Variants in MARCHF3 observed in about 807,000 individuals in gnomAD.
The protein encoded by MARCHF3 is membrane associated ring-CH-type finger 3, also known as E3 ubiquitin-protein ligase MARCHF3.
A neutral mutation model predicts 24.2 loss-of-function variants in MARCHF3; 13 were observed. That is an observed-to-expected ratio of 0.54 (90% CI 0.35 to 0.85). The LOEUF is 0.85. Among genes scored for constraint, MARCHF3 ranks in the 40% least tolerant of loss-of-function variants. MARCHF3 has a pLI of 0.01. For missense variants in MARCHF3, 276 were observed against 325.0 expected (o/e 0.85, Z 1.16); for synonymous variants, 144 against 137.3 (o/e 1.05, Z -0.34).
chr5:126,927,798 T>G (rs1436918216), intron 1 of MARCHF3, among the ~76,000 whole-genome samples: 3 of 151,922 alleles, frequency 2.0e-5, no homozygotes. Flanking sequence ...GTTCTGTTTG[T>G]TTGTTTTTTT....
chr5:126,889,188 T>C (rs1029392032), intron 3 of MARCHF3, among the ~76,000 whole-genome samples: 2 of 152,130 alleles, frequency 1.3e-5, no homozygotes, highest in Non-Finnish European at 2.9e-5. Flanking sequence ...TGGACTGCTG[T>C]TGGAGTCTGG....
intron 1 of MARCHF3, among the ~76,000 whole-genome samples, chr5:127,018,307 G>A (rs1210230815): frequency 3.9e-5 from 6 of 152,100 alleles, no homozygotes; most frequent in Non-Finnish European, 2.9e-5. Context: ...GGAGGTGGAG[G>A]TTGCAGTGAG....
intron 1 of MARCHF3, among the ~76,000 whole-genome samples, chr5:126,997,915 T>G (rs879782997): frequency 2.6e-5 from 4 of 152,224 alleles, no homozygotes; most frequent in Admixed American, 1.3e-4. Flanking sequence ...TTAAGCCTAT[T>G]GACTGTTTAT....
At chr5:126,901,772 C>G (rs754813640) in intron 3 of MARCHF3, among the ~76,000 whole-genome samples, 2 of 152,192 alleles carry the variant, frequency 1.3e-5, no homozygotes, top group Non-Finnish European at 2.9e-5. Context: ...TCAGCTCAAC[C>G]AGGTGCCTTG....
chr5:126,965,879 T>C (rs1438674843), intron 1 of MARCHF3, among the ~76,000 whole-genome samples: 1 of 152,200 alleles, frequency 6.6e-6, no homozygotes, highest in Middle Eastern at 3.2e-3. Context: ...TGGTATTTGC[T>C]GAAGGGAAAT....
chr5:126,878,797 A>G (rs7716410), intron 3 of MARCHF3, among the ~76,000 whole-genome samples: 86,467 of 151,928 alleles, frequency 0.57, 25,505 homozygotes, highest in East Asian at 0.77. Context: ...GAAACGGTTG[A>G]GTTGCTCAAG....
chr5:126,979,922 T>C (rs1215187835), intron 1 of MARCHF3, among the ~76,000 whole-genome samples: 1 of 120,946 alleles, frequency 8.3e-6, no homozygotes, highest in Non-Finnish European at 1.6e-5. Flanking sequence ...CACTCCAGCC[T>C]GGGCAACAAG....
chr5:126,907,965 T>C (rs1264400833), intron 3 of MARCHF3, among the ~76,000 whole-genome samples: 1 of 152,216 alleles, frequency 6.6e-6, no homozygotes, highest in Non-Finnish European at 1.5e-5. Context: ...GTACCGGTTG[T>C]TCCTTTCCAT....
intron 3 of MARCHF3, among the ~76,000 whole-genome samples, chr5:126,907,626 G>T (rs1754348205): frequency 6.7e-6 from 1 of 149,398 alleles, no homozygotes; most frequent in South Asian, 2.2e-4. Context: ...CGTTTTATCA[G>T]AGACTAGGAT....
intron 1 of MARCHF3, among the ~76,000 whole-genome samples, chr5:127,016,411 T>A (rs1308185208): frequency 1.3e-5 from 2 of 151,972 alleles, no homozygotes. Context: ...TTAAACAAAT[T>A]TACAAGAAAA....
intron 1 of MARCHF3, among the ~76,000 whole-genome samples, chr5:126,984,367 G>C (rs901056327): frequency 6.6e-6 from 1 of 152,176 alleles, no homozygotes; most frequent in Non-Finnish European, 1.5e-5. Context: ...GGATGTGGAA[G>C]GGAGTAAGGA....
chr5:127,007,941 G>A (rs950210011), intron 1 of MARCHF3, among the ~76,000 whole-genome samples: 3 of 151,830 alleles, frequency 2.0e-5, no homozygotes, highest in Non-Finnish European at 2.9e-5. Flanking sequence ...CATGCAACAT[G>A]CTACAGACAT....
chr5:126,971,220 C>T (rs935968390), intron 1 of MARCHF3, among the ~76,000 whole-genome samples: 103 of 151,826 alleles, frequency 6.8e-4, no homozygotes, highest in Non-Finnish European at 9.7e-4. Context: ...GAGGCCGAGG[C>T]GGGCAGATCA....
At chr5:126,972,291 T>G (rs891032873) in intron 1 of MARCHF3, among the ~76,000 whole-genome samples, 1 of 144,758 alleles carries the variant, frequency 6.9e-6, no homozygotes, top group Admixed American at 6.8e-5. Context: ...AATCACCCCC[T>G]AAAAACCAGG....
At chr5:126,875,381 C>T (rs115261855) in intron 4 of MARCHF3, among the ~76,000 whole-genome samples, 1,691 of 152,338 alleles carry the variant, frequency 0.011, 38 homozygotes, top group African/African-American at 0.039. Context: ...GCAGCGTGAG[C>T]GCTTGTCCTT....
At chr5:126,923,733 T>C (rs11744439) in intron 1 of MARCHF3, among the ~76,000 whole-genome samples, 2,745 of 152,344 alleles carry the variant, frequency 0.018, 41 homozygotes, top group South Asian at 0.036. Flanking sequence ...AATGATGTAC[T>C]GGACACTTAC....
intron 1 of MARCHF3, among the ~76,000 whole-genome samples, chr5:126,994,090 T>C (rs1043831749): frequency 2.0e-5 from 3 of 152,228 alleles, no homozygotes; most frequent in Admixed American, 2.0e-4. Flanking sequence ...ACTTTATTTA[T>C]AATGACCAAT....
intron 1 of MARCHF3, among the ~76,000 whole-genome samples, chr5:126,999,387 G>A (rs1561466584): frequency 6.6e-6 from 1 of 152,124 alleles, no homozygotes; most frequent in Non-Finnish European, 1.5e-5. Context: ...CTGTCCCTTG[G>A]GGACATGGAT....
chr5:126,977,164 G>T (rs1751230672), intron 1 of MARCHF3, among the ~76,000 whole-genome samples: 1 of 152,202 alleles, frequency 6.6e-6, no homozygotes, highest in Non-Finnish European at 1.5e-5. Flanking sequence ...GTGCTGAGGG[G>T]ATCACATGAA....
Sources: allele counts gnomAD v4.1 joint callset (sites outside exome capture counted in the v4.1 genomes callset), GRCh38; gene constraint gnomAD v4.1.1; transcripts MANE v1.5; gene names NCBI Gene and HGNC (gene_info 2026-07-23, HGNC 2026-07-21).